Variants in UBL3 observed in about 807,000 individuals in gnomAD.
UBL3 encodes the protein ubiquitin like 3.
In UBL3, 6 loss-of-function variants were observed where a neutral mutation model predicts 18.4. The observed-to-expected ratio is 0.33, with a 90% CI of 0.18 to 0.64. UBL3 has a LOEUF of 0.64. Among genes scored for constraint, UBL3 ranks in the 30% least tolerant of loss-of-function variants. The probability of loss-of-function intolerance (pLI) is 0.76; values close to 1 mark genes in which losing one functional copy is unlikely to be tolerated. For synonymous variants in UBL3, 49 were observed against 46.6 expected, an observed-to-expected ratio of 1.05 and a Z score of -0.21; for missense variants, 109 against 142.9, an observed-to-expected ratio of 0.76 and a Z score of 1.21.
intron 2 of UBL3, among the ~76,000 whole-genome samples, chr13:29,772,690 T>C (rs1281664972): frequency 6.6e-6 from 1 of 152,108 alleles, no homozygotes; most frequent in Non-Finnish European, 1.5e-5. Context: ...TTGGATAATG[T>C]TGATATATTA....
At chr13:29,798,772 CA>C (rs1278333581) in intron 1 of UBL3, among the ~76,000 whole-genome samples, 1 of 152,060 alleles carries the variant, frequency 6.6e-6, no homozygotes, top group Non-Finnish European at 1.5e-5. Context: ...AGAGAAACCC[CA>C]AAAAACTATA....
At chr13:29,831,200 A>G (rs551714765) in intron 1 of UBL3, among the ~76,000 whole-genome samples, 1 of 152,176 alleles carries the variant, frequency 6.6e-6, no homozygotes, top group African/African-American at 2.4e-5. Flanking sequence ...TACTTTTTAG[A>G]CTTCTCTTCT....
rs1876654248 is a variant in UBL3 at position 29,765,550 on chromosome 13, G to A, written c.*1705C>T. ...CTTAAGAAATGAAAGTAGAAAACAT[G>A]AATGAGACGGTGCTTAAACAATTAT... is the stretch of plus-strand genomic sequence containing the variant. On this transcript the variant is annotated 3_prime_UTR_variant, in exon 5 of 5. Coordinates refer to ENST00000380680, the MANE Select transcript of UBL3 (RefSeq NM_007106.4). 1 of 152,326 alleles carries A rather than the reference G, an allele frequency of 6.6e-6. No homozygotes were observed. Among genetic ancestry groups the A allele is most frequent in the African/African-American group, 2.4e-5 (1 of 41,422 alleles). 9.4% of individuals were successfully genotyped at this position (152,326 alleles called of 1,614,324 possible).
intron 1 of UBL3, among the ~76,000 whole-genome samples, chr13:29,788,836 GA>G (rs1877392941): frequency 3.7e-5 from 5 of 136,840 alleles, no homozygotes; most frequent in African/African-American, 1.4e-4. Flanking sequence ...GCTTAATGGG[GA>G]AGTGTGTGTG....
rs984854256 is a variant in UBL3, at chr13:29,850,356, C to G, written c.-818G>C. ...CCACTCCTCTTCTGCCTCCGCCTTC[C>G]CCGCCGCCGCCTCCCCGGTCTCCGC... On this transcript the variant is annotated 5_prime_UTR_variant, in exon 1 of 5. Transcript: ENST00000380680. 1 of 153,524 alleles carries G rather than the reference C, an allele frequency of 6.5e-6. No homozygotes were observed. The highest frequency in any genetic ancestry group is 6.5e-5 in the Admixed American group (1 of 15,286). The allele number at this position is 153,524 out of a possible 1,614,324, so 9.5% of individuals were successfully genotyped here.
chr13:29,775,060 C>G (rs1055497169), intron 2 of UBL3, among the ~76,000 whole-genome samples: 1 of 152,182 alleles, frequency 6.6e-6, no homozygotes, highest in Non-Finnish European at 1.5e-5. Context: ...TTTATGGTGA[C>G]TCTACAGACA....
At chr13:29,787,332 T>C (rs1877348358) in intron 1 of UBL3, among the ~76,000 whole-genome samples, 1 of 152,192 alleles carries the variant, frequency 6.6e-6, no homozygotes, top group Non-Finnish European at 1.5e-5. Context: ...ATTATATCCA[T>C]CATCAGTTTA....
chr13:29,785,874 T>C (rs1026653671), intron 1 of UBL3, among the ~76,000 whole-genome samples: 18 of 152,282 alleles, frequency 1.2e-4, no homozygotes, highest in African/African-American at 3.9e-4. Flanking sequence ...TAATTGTAAG[T>C]GCTTGATAAA....
At chr13:29,799,708 T>C (rs1877710991) in intron 1 of UBL3, among the ~76,000 whole-genome samples, 2 of 152,214 alleles carry the variant, frequency 1.3e-5, no homozygotes, top group South Asian at 2.1e-4. Context: ...TTTTGAAACC[T>C]AGTTTAGAAG....
At chr13:29,792,775 A>T (rs1029730871) in intron 1 of UBL3, among the ~76,000 whole-genome samples, 1 of 152,226 alleles carries the variant, frequency 6.6e-6, no homozygotes, top group Non-Finnish European at 1.5e-5. Context: ...ATAATTTATC[A>T]ATTTACTTAG....
At chr13:29,831,878 C>T (rs570282493) in intron 1 of UBL3, among the ~76,000 whole-genome samples, 2 of 152,018 alleles carry the variant, frequency 1.3e-5, no homozygotes, top group East Asian at 3.9e-4. Flanking sequence ...TTATATAAAC[C>T]ATACAAGTGC....
intron 1 of UBL3, among the ~76,000 whole-genome samples, chr13:29,796,825 T>A (rs1877626406): frequency 6.6e-6 from 1 of 152,224 alleles, no homozygotes. Flanking sequence ...ACAGTTAAGG[T>A]CATTCTTCTA....
intron 1 of UBL3, among the ~76,000 whole-genome samples, chr13:29,839,505 A>G (rs1387492503): frequency 6.6e-6 from 1 of 152,220 alleles, no homozygotes; most frequent in East Asian, 1.9e-4. Flanking sequence ...CCCACAAAGG[A>G]GCCAGGCACA....
chr13:29,818,318 A>T, intron 1 of UBL3, among the ~76,000 whole-genome samples: 1 of 152,246 alleles, frequency 6.6e-6, no homozygotes, highest in Non-Finnish European at 1.5e-5. Context: ...GAGAAAGTTA[A>T]TATGTGCAAA....
intron 1 of UBL3, among the ~76,000 whole-genome samples, chr13:29,833,721 ATACT>A (rs1167211207): frequency 1.3e-5 from 2 of 152,164 alleles, no homozygotes; most frequent in African/African-American, 4.8e-5. Flanking sequence ...TTTCTCTGTA[ATACT>A]TACCACCATC....
chr13:29,835,147 T>A lies in UBL3; in HGVS notation c.27+14365A>T, dbSNP rs866168340. Among the ~76,000 whole-genome samples, 84 of 15,624 alleles carry A rather than the reference T, an allele frequency of 5.4e-3. 2 individuals carry two copies. The highest frequency in any genetic ancestry group is 0.011 in the African/African-American group (39 of 3,566). The allele number at this position is 15,624 out of a possible 152,430, so 10.2% of individuals were successfully genotyped here. ...ATAAATATATATATATATATATATA[T>A]ATATATATATATATATATATATATA... On this transcript the variant is annotated intron_variant, in intron 1 of 4. Transcript: ENST00000380680.
chr13:29,833,999 A>G (rs1046747072), intron 1 of UBL3, among the ~76,000 whole-genome samples: 2 of 152,146 alleles, frequency 1.3e-5, no homozygotes. Flanking sequence ...CAGCCTGGCC[A>G]ACATGGTGAA....
chr13:29,839,024 GT>G (rs1402203649), intron 1 of UBL3, among the ~76,000 whole-genome samples: 1 of 152,138 alleles, frequency 6.6e-6, no homozygotes, highest in Non-Finnish European at 1.5e-5. Flanking sequence ...AAATTTATTT[GT>G]AGCTAATAAC....
At chr13:29,841,526 T>G (rs1212319024) in intron 1 of UBL3, among the ~76,000 whole-genome samples, 3 of 152,142 alleles carry the variant, frequency 2.0e-5, no homozygotes, top group Non-Finnish European at 4.4e-5. Context: ...TTAAAATCAT[T>G]CCAATCCAGA....
Sources: gnomAD v4.1 joint callset for allele counts (sites outside exome capture counted in the v4.1 genomes callset) on GRCh38, gnomAD v4.1.1 for gene constraint, MANE v1.5 for transcripts, NCBI Gene and HGNC (gene_info 2026-07-23, HGNC 2026-07-21) for gene names.